LRRC4C: variants seen among roughly 807,000 people sequenced by gnomAD.
LRRC4C encodes leucine rich repeat containing 4C, also known as leucine-rich repeat-containing protein 4C.
LRRC4C carries 5 observed loss-of-function variants against 33.6 expected under a neutral mutation model. The ratio of observed to expected loss-of-function variants is 0.15; its 90% CI spans 0.08 to 0.31. The LOEUF (loss-of-function observed/expected upper bound fraction) is 0.31. Among genes scored for constraint, LRRC4C ranks in the 10% least tolerant of loss-of-function variants. The probability of loss-of-function intolerance (pLI) is 1.00; values close to 1 mark genes in which losing one functional copy is unlikely to be tolerated. For missense variants in LRRC4C, 560 were observed against 796.7 expected (o/e 0.70, Z 3.58); for synonymous variants, 329 against 302.0 (o/e 1.09, Z -0.93).
At chr11:41,095,379 C>G (rs886433305) in intron 1 of LRRC4C, among the ~76,000 whole-genome samples, 2 of 152,114 alleles carry the variant, frequency 1.3e-5, no homozygotes, top group Admixed American at 6.6e-5. Flanking sequence ...GGTGGGGACA[C>G]AGAGTCAAAC....
chr11:41,282,507 G>A (rs943985582), intron 1 of LRRC4C, among the ~76,000 whole-genome samples: 2 of 152,138 alleles, frequency 1.3e-5, no homozygotes, highest in African/African-American at 2.4e-5. Flanking sequence ...CCAGAATCTG[G>A]ACTGCTACCA....
intron 2 of LRRC4C, among the ~76,000 whole-genome samples, chr11:40,924,108 G>C (rs9704175): frequency 0.3 from 37,873 of 126,670 alleles, 5,048 homozygotes; most frequent in East Asian, 0.46. Context: ...GTATGTGTGT[G>C]TGTGTGTGTG....
chr11:40,985,371 G>A (rs1371353206), intron 1 of LRRC4C, among the ~76,000 whole-genome samples: 3 of 141,844 alleles, frequency 2.1e-5, no homozygotes. Flanking sequence ...GTTAATAGGG[G>A]GGGAAAAGTA....
intron 1 of LRRC4C, among the ~76,000 whole-genome samples, chr11:41,206,481 C>T (rs1266769640): frequency 1.3e-5 from 2 of 152,166 alleles, no homozygotes; most frequent in African/African-American, 2.4e-5. Context: ...CCTCTGAAAG[C>T]TCAAAAAAAT....
intron 3 of LRRC4C, among the ~76,000 whole-genome samples, chr11:40,413,268 T>C (rs1169277979): frequency 6.6e-6 from 1 of 151,872 alleles, no homozygotes; most frequent in Admixed American, 6.6e-5. Context: ...ATGACAATCT[T>C]TGGACTGCAT....
chr11:40,255,753 T>TGAA (rs1463715370), intron 4 of LRRC4C, among the ~76,000 whole-genome samples: 2 of 152,182 alleles, frequency 1.3e-5, no homozygotes, highest in Non-Finnish European at 2.9e-5. Flanking sequence ...AAGCACTTGA[T>TGAA]GAAGAAGAAT....
intron 4 of LRRC4C, among the ~76,000 whole-genome samples, chr11:40,299,053 A>T (rs1441118846): frequency 6.6e-6 from 1 of 152,236 alleles, no homozygotes; most frequent in Admixed American, 6.5e-5. Flanking sequence ...AAACGAAAGC[A>T]AGTGGAGAAT....
chr11:40,959,359 A>G (rs1285246741), intron 1 of LRRC4C, among the ~76,000 whole-genome samples: 1 of 151,678 alleles, frequency 6.6e-6, no homozygotes, highest in Non-Finnish European at 1.5e-5. Flanking sequence ...GGAAAGTTCC[A>G]TGTCCCTGGA....
intron 1 of LRRC4C, among the ~76,000 whole-genome samples, chr11:41,237,634 C>T (rs1218757146): frequency 1.3e-5 from 2 of 152,114 alleles, no homozygotes; most frequent in Non-Finnish European, 2.9e-5. Flanking sequence ...AGAACACCTT[C>T]CTGCAAGAAA....
intron 1 of LRRC4C, among the ~76,000 whole-genome samples, chr11:41,246,220 C>A (rs968304092): frequency 3.9e-5 from 6 of 152,134 alleles, no homozygotes; most frequent in Non-Finnish European, 8.8e-5. Flanking sequence ...CCCTCTCCAG[C>A]CTCCCTCCCA....
intron 1 of LRRC4C, among the ~76,000 whole-genome samples, chr11:41,440,083 CTTGT>C (rs1215642230): frequency 1.3e-4 from 20 of 151,800 alleles, no homozygotes; most frequent in Admixed American, 2.6e-4. Flanking sequence ...CAGAAGAGTT[CTTGT>C]TTGTTTGTTT....
intron 3 of LRRC4C, among the ~76,000 whole-genome samples, chr11:40,488,984 A>G (rs1392357429): frequency 6.6e-6 from 1 of 152,136 alleles, no homozygotes; most frequent in Non-Finnish European, 1.5e-5. Context: ...GCTCAGACAG[A>G]GCTGGGATAA....
At chr11:40,761,530 C>T (rs890574265) in intron 2 of LRRC4C, among the ~76,000 whole-genome samples, 2 of 152,020 alleles carry the variant, frequency 1.3e-5, no homozygotes, top group African/African-American at 2.4e-5. Context: ...ACATGGATTG[C>T]TAAAAAGAAA....
intron 2 of LRRC4C, among the ~76,000 whole-genome samples, chr11:40,742,240 A>G (rs1948193695): frequency 6.6e-6 from 1 of 152,030 alleles, no homozygotes. Flanking sequence ...TTAAATGGAT[A>G]GCATCTAGTA....
At chr11:40,211,491 T>C (rs896541913) in intron 5 of LRRC4C, among the ~76,000 whole-genome samples, 1 of 152,168 alleles carries the variant, frequency 6.6e-6, no homozygotes, top group Non-Finnish European at 1.5e-5. Flanking sequence ...AGTAACTATA[T>C]CTAAAAATGT....
chr11:40,479,570 T>A (rs1953433732), intron 3 of LRRC4C, among the ~76,000 whole-genome samples: 1 of 152,166 alleles, frequency 6.6e-6, no homozygotes, highest in African/African-American at 2.4e-5. Context: ...TCATCCATGA[T>A]AAAATGAAGG....
intron 3 of LRRC4C, among the ~76,000 whole-genome samples, chr11:40,553,152 AACCCAGCT>A (rs1957192879): frequency 6.6e-6 from 1 of 152,042 alleles, no homozygotes; most frequent in African/African-American, 2.4e-5. Flanking sequence ...GGCACCTGTA[AACCCAGCT>A]ACTCAGGAGG....
chr11:40,133,455 C>A (rs920036842), intron 6 of LRRC4C, among the ~76,000 whole-genome samples: 1 of 152,088 alleles, frequency 6.6e-6, no homozygotes, highest in Non-Finnish European at 1.5e-5. Flanking sequence ...ATATTTATAA[C>A]CCCAGGCGAA....
intron 1 of LRRC4C, among the ~76,000 whole-genome samples, chr11:41,082,241 G>A (rs1026352585): frequency 2.6e-5 from 4 of 152,144 alleles, no homozygotes; most frequent in African/African-American, 9.7e-5. Context: ...TCAGAGACAC[G>A]ATATACGTGA....
Sources: gnomAD v4.1 joint callset for allele counts (sites outside exome capture counted in the v4.1 genomes callset) on GRCh38, gnomAD v4.1.1 for gene constraint, MANE v1.5 for transcripts, NCBI Gene and HGNC (gene_info 2026-07-23, HGNC 2026-07-21) for gene names.